HNRNPD: variants seen among roughly 807,000 people sequenced by gnomAD.
HNRNPD encodes heterogeneous nuclear ribonucleoprotein D0.
Under a neutral mutation model 47.9 loss-of-function variants are expected in HNRNPD, and 3 were observed. The ratio of observed to expected loss-of-function variants is 0.06; its 90% CI spans 0.03 to 0.16. The LOEUF (loss-of-function observed/expected upper bound fraction) is 0.16, where lower values mean the gene tolerates loss of function less well. Ranked by LOEUF, HNRNPD falls within the 10% of genes least tolerant of loss-of-function variation. The pLI is 1.00. For missense variants in HNRNPD, 287 were observed against 454.2 expected, an observed-to-expected ratio of 0.63 and a Z score of 3.35; for synonymous variants, 171 against 165.1, an observed-to-expected ratio of 1.04 and a Z score of -0.28.
At chr4:82,363,044 G>A (rs1170420058) in intron 2 of HNRNPD, among the ~76,000 whole-genome samples, 1 of 149,074 alleles carries the variant, frequency 6.7e-6, no homozygotes, top group Non-Finnish European at 1.5e-5. Context: ...GTGTGTGTGT[G>A]TGTGTATATA....
intron 1 of HNRNPD, chr4:82,373,229 A>C (rs2110007085): frequency 1.4e-6 from 1 of 737,056 alleles, no homozygotes; most frequent in African/African-American, 1.7e-5. Context: ...CTAAAGGTGG[A>C]AACGTGTGTG....
chr4:82,373,419 G>C (rs748523311), intron 1 of HNRNPD, 27 bp downstream of exon 1: 8 of 1,560,940 alleles, frequency 5.1e-6, no homozygotes, highest in Non-Finnish European at 7.0e-6. Flanking sequence ...AGTTGGGCCT[G>C]ACTATCCTGG....
chr4:82,373,044 TTGTGTC>T (rs1337188973), intron 1 of HNRNPD: 1 of 444,452 alleles, frequency 2.2e-6, no homozygotes, highest in Non-Finnish European at 4.5e-6. Context: ...GAGAAGCTGT[TTGTGTC>T]TGTGTTTTTA....
intron 2 of HNRNPD, among the ~76,000 whole-genome samples, chr4:82,365,181 A>AATCCTTTAACTTTTAAAC (rs1560437457): frequency 6.6e-6 from 1 of 152,124 alleles, no homozygotes; most frequent in East Asian, 1.9e-4. Flanking sequence ...ACACCCAGCC[A>AATCCTTTAACTTTTAAAC]ATCCTTTAAC....
chr4:82,362,904 A>T (rs1208523098), intron 2 of HNRNPD, among the ~76,000 whole-genome samples: 1 of 151,808 alleles, frequency 6.6e-6, no homozygotes, highest in Non-Finnish European at 1.5e-5. Context: ...CCAGCCCCAA[A>T]CTCTAACTTT....
At chr4:82,372,667 C>T (rs1420030709) in intron 1 of HNRNPD, among the ~76,000 whole-genome samples, 1 of 152,120 alleles carries the variant, frequency 6.6e-6, no homozygotes, top group Non-Finnish European at 1.5e-5. Flanking sequence ...AGGGTAGATG[C>T]TAGGCCGGAG....
At chr4:82,364,700 A>G (rs1424273317) in intron 2 of HNRNPD, among the ~76,000 whole-genome samples, 1 of 152,200 alleles carries the variant, frequency 6.6e-6, no homozygotes, top group Non-Finnish European at 1.5e-5. Flanking sequence ...TTCAACTAAG[A>G]CCCTTTAAAT....
At chr4:82,366,115 T>C (rs1431195661) in intron 2 of HNRNPD, among the ~76,000 whole-genome samples, 1 of 152,208 alleles carries the variant, frequency 6.6e-6, no homozygotes, top group Admixed American at 6.5e-5. Flanking sequence ...AAGACTAATA[T>C]ACAATGGACC....
intron 1 of HNRNPD, among the ~76,000 whole-genome samples, chr4:82,372,475 G>A (rs1308260775): frequency 2.0e-5 from 3 of 152,136 alleles, no homozygotes; most frequent in Non-Finnish European, 4.4e-5. Flanking sequence ...TTAGTGGGCG[G>A]GAAACAGATA....
Position 82,373,565 on chromosome 4 carries a change from C to T in HNRNPD, c.114G>A (p.Ala38=), listed in dbSNP as rs1412331228. 2.0e-6 allele frequency: 3 copies of T among 1,537,844 alleles called. No individual in the cohort carries two copies. Among genetic ancestry groups the T allele is most frequent in the East Asian group, 2.5e-5 (1 of 39,626 alleles). The change falls in exon 1 of 9, where the codon GCG becomes GCA. Residue 38 remains alanine, a synonymous_variant. Coordinates refer to ENST00000313899, the MANE Select transcript of HNRNPD (RefSeq NM_031370.3). ...GAMVAATQGA[A]AAAGSGAGTG... ...TCCCGGCTCCGCTTCCCGCCGCCGCCGCTGCCCCCTGTGTCGCCGCCACCA... is the reference window on the plus strand; with the variant it reads ...TCCCGGCTCCGCTTCCCGCCGCCGCTGCTGCCCCCTGTGTCGCCGCCACCA...
rs767218731 is a variant in HNRNPD at position 82,358,650 on chromosome 4, A to T, written c.621+9T>A. ...TGACATAAACTGGGTCAAAACATTT[A>T]TAACATACCTCACCAAAACCACCAA... On this transcript the variant is annotated intron_variant, in intron 4 of 8. Coordinates refer to ENST00000313899, the MANE Select transcript of HNRNPD (RefSeq NM_031370.3). The T allele has an allele frequency of 6.3e-7, 1 of 1,598,562 alleles. No homozygotes were observed. The highest frequency in any genetic ancestry group is 8.5e-7 in the Non-Finnish European group (1 of 1,176,060).
rs374147423 is a variant in HNRNPD, at chr4:82,373,502, G to A, written c.177C>T (p.Gly59=). Residue 59 remains glycine (G), a synonymous_variant, in exon 1 of 9, where the codon GGC becomes GGT. Coordinates refer to ENST00000313899, the MANE Select transcript of HNRNPD (RefSeq NM_031370.3). ...GGTASGGTEG[G]SAESEGAKID... ...TCTTCGCCCCCTCCGACTCGGCGCTGCCCCCTTCGGTGCCTCCAGACGCGG... is the reference window on the plus strand; with the variant it reads ...TCTTCGCCCCCTCCGACTCGGCGCTACCCCCTTCGGTGCCTCCAGACGCGG... 8.4e-6 allele frequency: 13 copies of A among 1,549,046 alleles called. No homozygotes were observed. Among genetic ancestry groups the A allele is most frequent in the African/African-American group, 1.4e-5 (1 of 72,706 alleles).
chr4:82,370,250 G>A (rs1453945538), intron 2 of HNRNPD, among the ~76,000 whole-genome samples: 3 of 152,066 alleles, frequency 2.0e-5, no homozygotes, highest in African/African-American at 4.8e-5. Context: ...TTTTTCCTGA[G>A]ATTATTCAAA....
chr4:82,363,930 CAAGTT>C, intron 2 of HNRNPD, among the ~76,000 whole-genome samples: 1 of 152,276 alleles, frequency 6.6e-6, no homozygotes, highest in East Asian at 1.9e-4. Context: ...TCTTTTAAAG[CAAGTT>C]AAGTTTAGAG....
chr4:82,361,660 T>C (rs1408686903), intron 2 of HNRNPD, among the ~76,000 whole-genome samples: 3 of 152,182 alleles, frequency 2.0e-5, no homozygotes, highest in Admixed American at 1.3e-4. Context: ...TACCCTTAAT[T>C]TAAAATTATT....
chr4:82,357,260 A>AAC, intron 5 of HNRNPD, 53 bp downstream of exon 5: 1 of 1,525,426 alleles, frequency 6.6e-7, no homozygotes. Flanking sequence ...ATAAATGGTT[A>AAC]AGCTCTTTAC....
chr4:82,373,346 G>A lies in HNRNPD; in HGVS notation c.233+100C>T, dbSNP rs75078811. 9.8e-4 allele frequency: 1,426 copies of A among 1,457,778 alleles called. 36 individuals carry two copies. In the East Asian group the frequency reaches 0.03, roughly 30 times the overall value. 90.3% of individuals were successfully genotyped at this position (1,457,778 alleles called of 1,614,324 possible). A position where few individuals can be genotyped will look rare whatever the true frequency, so the allele number is the denominator to read the frequency against. On this transcript the variant is annotated intron_variant, in intron 1 of 8. Coordinates refer to ENST00000313899, the MANE Select transcript of HNRNPD (RefSeq NM_031370.3). ...TGCAAGGAGGCTGCATGGGGGCCCG[G>A]AGAACGGGCTGAGAGCGGGAACCAG... is the stretch of plus-strand genomic sequence containing the variant.
In HNRNPD at chr4:82,373,511, G is replaced by A. The variant is rs1360425432; in HGVS notation, c.168C>T (p.Thr56=). Residue 56 remains threonine (T), a synonymous_variant, in exon 1 of 9, where the codon ACC becomes ACT. Transcript: ENST00000313899. ...GTGGGTASGG[T]EGGSAESEGA... ...CCTCCGACTCGGCGCTGCCCCCTTC[G>A]GTGCCTCCAGACGCGGTTCCGCCCC... 1.3e-6 allele frequency: 2 copies of A among 1,547,798 alleles called. No homozygotes were observed. Among genetic ancestry groups the A allele is most frequent in the South Asian group, 2.4e-5 (2 of 83,830 alleles).
intron 2 of HNRNPD, among the ~76,000 whole-genome samples, chr4:82,360,669 G>A (rs941453366): frequency 6.6e-6 from 1 of 152,134 alleles, no homozygotes; most frequent in African/African-American, 2.4e-5. Flanking sequence ...AGGGTCATGG[G>A]TGGGGACTGG....
Sources: gnomAD v4.1 joint callset for allele counts (sites outside exome capture counted in the v4.1 genomes callset) on GRCh38, gnomAD v4.1.1 for gene constraint, MANE v1.5 for transcripts, NCBI Gene and HGNC (gene_info 2026-07-23, HGNC 2026-07-21) for gene names.